TCOF1: variants seen among roughly 807,000 people sequenced by gnomAD.
The protein encoded by TCOF1 is treacle protein.
In TCOF1, 33 loss-of-function variants were observed where a neutral mutation model predicts 149.0. The ratio of observed to expected loss-of-function variants is 0.22; its 90% CI spans 0.17 to 0.30. The LOEUF (loss-of-function observed/expected upper bound fraction) is 0.30, where lower values mean the gene tolerates loss of function less well. TCOF1 is among the 10% of genes least tolerant of loss of function. TCOF1 has a pLI of 1.00. For missense variants in TCOF1, 1,728 were observed against 1,840.7 expected, an observed-to-expected ratio of 0.94 and a Z score of 1.12; for synonymous variants, 789 against 738.8, an observed-to-expected ratio of 1.07 and a Z score of -1.10.
intron 17 of TCOF1, among the ~76,000 whole-genome samples, chr5:150,381,881 A>G (rs1448545251): frequency 6.6e-6 from 1 of 152,188 alleles, no homozygotes; most frequent in Non-Finnish European, 1.5e-5. Context: ...TGGTCATAGC[A>G]GGGCTGCAGC....
At chr5:150,368,141 G>A in intron 4 of TCOF1, 3 of 541,930 alleles carry the variant, frequency 5.5e-6, no homozygotes, top group South Asian at 4.1e-5. Context: ...GGGCCACTGG[G>A]CACATTCTAC....
intron 24 of TCOF1, among the ~76,000 whole-genome samples, chr5:150,397,673 G>A (rs1414603653): frequency 3.9e-5 from 6 of 152,194 alleles, no homozygotes; most frequent in Non-Finnish European, 8.8e-5. Context: ...GCTCGTTCTG[G>A]AACAAAAGTC....
intron 17 of TCOF1, chr5:150,384,696 G>T: frequency 1.0e-6 from 1 of 985,490 alleles, no homozygotes; most frequent in South Asian, 4.7e-5. Context: ...AAGCAGAAAA[G>T]AAGTCAGCGG....
Position 150,392,090 on chromosome 5 carries a change from A to T in TCOF1, c.3431A>T (p.Asp1144Val), listed in dbSNP as rs1767557668. 1 of 1,614,112 alleles carries T rather than the reference A, an allele frequency of 6.2e-7. No individual in the cohort carries two copies. Among genetic ancestry groups the T allele is most frequent in the Admixed American group, 1.7e-5 (1 of 60,012 alleles). Residue 1144 changes from aspartate (D) to valine (V), a missense_variant, in exon 21 of 27, where the codon GAT becomes GTT. Physicochemically the swap from Asp to Val is radical, Grantham distance 152. Coordinates refer to ENST00000643257, the MANE Select transcript of TCOF1 (RefSeq NM_001371623.1). ...QQATKAPESS[D>V]DSEDSSDSSS... ...GCCACCAAAGCCCCTGAGAGCTCAG[A>T]TGACAGTGAGGACAGCAGCGACAGT... is the stretch of plus-strand genomic sequence containing the variant.
intron 17 of TCOF1, chr5:150,380,899 C>G (rs750879623): frequency 6.6e-6 from 1 of 152,234 alleles, no homozygotes; most frequent in Admixed American, 6.5e-5. Flanking sequence ...GTCCCAGCTA[C>G]TCGGGAGGCT....
At chr5:150,389,113 ATATACT>A (rs1398108929) in intron 18 of TCOF1, among the ~76,000 whole-genome samples, 20 of 152,322 alleles carry the variant, frequency 1.3e-4, no homozygotes, top group South Asian at 1.0e-3. Flanking sequence ...GTACATATAC[ATATACT>A]TATACATATA....
rs1178022526 is a variant in TCOF1 at position 150,379,375 on chromosome 5, A to AGG, written c.2626_2627insGG (p.Asp876GlyfsTer13). On this transcript the variant is annotated frameshift_variant, in exon 16 of 27. Coordinates refer to ENST00000643257, the MANE Select transcript of TCOF1 (RefSeq NM_001371623.1). LOFTEE classifies it high-confidence loss of function. ...ACTCAGGGAGCAGTGAGGAGGAGTC[A>AGG]GACAGTGAGGAGGAGGCGGAGACGC... 1.5e-5 allele frequency: 24 copies of AGG among 1,614,114 alleles called. No individual in the cohort carries two copies. In the South Asian group the frequency reaches 2.2e-4, roughly 15 times the overall value.
chr5:150,371,115 G>A (rs1043264492), intron 6 of TCOF1, among the ~76,000 whole-genome samples: 1 of 152,220 alleles, frequency 6.6e-6, no homozygotes, highest in Non-Finnish European at 1.5e-5. Flanking sequence ...GGTGTCCACA[G>A]TTGGAAAGAT....
intron 3 of TCOF1, among the ~76,000 whole-genome samples, chr5:150,366,210 G>A (rs1442709192): frequency 1.3e-5 from 2 of 152,092 alleles, no homozygotes; most frequent in African/African-American, 4.8e-5. Context: ...AATTAGCTGG[G>A]CATGGTGGCA....
intron 6 of TCOF1, among the ~76,000 whole-genome samples, chr5:150,370,497 A>C (rs1190451461): frequency 6.6e-6 from 1 of 152,174 alleles, no homozygotes; most frequent in Non-Finnish European, 1.5e-5. Flanking sequence ...CTGGGATTAC[A>C]GGTGCACGCC....
At chr5:150,398,909 C>T in intron 25 of TCOF1, 113 bp from the exon 26 acceptor site, 1 of 1,488,596 alleles carries the variant, frequency 6.7e-7, no homozygotes, top group Non-Finnish European at 9.3e-7. Context: ...TTGGAGGTCG[C>T]TGCAGACCCA....
At chr5:150,391,421 C>T (rs1767419615) in intron 19 of TCOF1, 123 bp from the exon 20 acceptor site, 3 of 867,350 alleles carry the variant, frequency 3.5e-6, no homozygotes, top group Non-Finnish European at 6.0e-6. Context: ...AGTTTTGCCC[C>T]TTTGACTGCC....
At chr5:150,362,966 G>C (rs1760493170) in intron 2 of TCOF1, among the ~76,000 whole-genome samples, 1 of 152,186 alleles carries the variant, frequency 6.6e-6, no homozygotes, top group African/African-American at 2.4e-5. Flanking sequence ...CTGTATGTAT[G>C]ACCTTGAGTG....
chr5:150,397,231 C>T (rs560075544), intron 24 of TCOF1, among the ~76,000 whole-genome samples: 141 of 151,148 alleles, frequency 9.3e-4, no homozygotes, highest in Non-Finnish European at 1.4e-3. Flanking sequence ...AGCCCGAACT[C>T]GATTCCAGAG....
At chr5:150,359,153 C>T (rs1759404799) in intron 1 of TCOF1, among the ~76,000 whole-genome samples, 1 of 152,102 alleles carries the variant, frequency 6.6e-6, no homozygotes, top group Non-Finnish European at 1.5e-5. Context: ...TCAAAACCAG[C>T]CTGACCGACA....
chr5:150,373,098 T>G (rs1312375143), intron 7 of TCOF1, among the ~76,000 whole-genome samples: 1 of 152,160 alleles, frequency 6.6e-6, no homozygotes, highest in Non-Finnish European at 1.5e-5. Context: ...ATTTTTTTTT[T>G]GAGACAGAGT....
rs749762378 is a variant in TCOF1, at chr5:150,376,123, A to C, written c.1935A>C (p.Pro645=). ...AAATTCCTCAGACCAAGGCCTGCCC[A>C]AAGAAAACCAATACCACTGCATCTG... ...ALKIPQTKAC[P]KKTNTTASAK... is the part of the protein sequence containing the mutation. The change falls in exon 13 of 27, where the codon CCA becomes CCC. Residue 645 remains proline, a synonymous_variant. Transcript: ENST00000643257. 6.2e-7 allele frequency: 1 copy of C among 1,614,230 alleles called. No individual in the cohort carries two copies. Among genetic ancestry groups the C allele is most frequent in the South Asian group, 1.1e-5 (1 of 91,092 alleles).
intron 1 of TCOF1, among the ~76,000 whole-genome samples, chr5:150,359,977 C>T (rs1759658926): frequency 6.6e-6 from 1 of 152,106 alleles, no homozygotes; most frequent in Non-Finnish European, 1.5e-5. Context: ...GGGGAGAGAA[C>T]ATTCCAGACA....
At chr5:150,382,600 T>C (rs1483756922) in intron 17 of TCOF1, among the ~76,000 whole-genome samples, 2 of 152,182 alleles carry the variant, frequency 1.3e-5, no homozygotes, top group Non-Finnish European at 2.9e-5. Flanking sequence ...CAGTGCTTGC[T>C]CATCCTTCCA....
Sources: gnomAD v4.1 joint callset for allele counts (sites outside exome capture counted in the v4.1 genomes callset) on GRCh38, gnomAD v4.1.1 for gene constraint, MANE v1.5 for transcripts, NCBI Gene and HGNC (gene_info 2026-07-23, HGNC 2026-07-21) for gene names.